The following CCSER1 variants were observed in gnomAD, a reference collection of about 807,000 sequenced individuals.
CCSER1 encodes the protein serine-rich coiled-coil domain-containing protein 1.
Under a neutral mutation model 82.0 loss-of-function variants are expected in CCSER1, and 41 were observed. That is an observed-to-expected ratio of 0.50 (90% confidence interval 0.39 to 0.65). The LOEUF is 0.65. Among genes scored for constraint, CCSER1 ranks in the 30% least tolerant of loss-of-function variants. The pLI is 0.00. For missense variants in CCSER1, 1,119 were observed against 1,064.2 expected, an observed-to-expected ratio of 1.05 and a Z score of -0.72; for synonymous variants, 414 against 383.9, an observed-to-expected ratio of 1.08 and a Z score of -0.92.
chr4:90,648,959 C>T (rs1728222608), intron 6 of CCSER1, among the ~76,000 whole-genome samples: 1 of 152,154 alleles, frequency 6.6e-6, no homozygotes, highest in Non-Finnish European at 1.5e-5. Context: ...AGTGACAGAG[C>T]AGAAGTTAGC....
chr4:90,225,840 A>G (rs1743065386), intron 1 of CCSER1, among the ~76,000 whole-genome samples: 1 of 152,202 alleles, frequency 6.6e-6, no homozygotes, highest in South Asian at 2.1e-4. Context: ...AAAATTGGCC[A>G]CAGATGCTTT....
chr4:90,628,005 CTT>C lies in CCSER1; in HGVS notation c.1725-10_1725-9del, dbSNP rs11303496. The C allele has an allele frequency of 2.8e-4, 387 of 1,397,890 alleles. 1 individual carries two copies. The highest frequency in any genetic ancestry group is 6.2e-4 in the East Asian group (25 of 40,560). 86.6% of individuals were successfully genotyped at this position (1,397,890 alleles called of 1,614,324 possible). Reference sequence around the variant, plus strand: ...AGCATGCTGCACTGTAATTTTTGTTCTTTTTTTTTTTCTTGTTAGGAATCTTT... The same window carrying C: ...AGCATGCTGCACTGTAATTTTTGTTCTTTTTTTTTCTTGTTAGGAATCTTT... On this transcript the variant is annotated intron_variant, in intron 5 of 10. Coordinates refer to ENST00000509176, the MANE Select transcript of CCSER1 (RefSeq NM_001145065.2).
intron 5 of CCSER1, among the ~76,000 whole-genome samples, chr4:90,484,480 GT>G (rs1329049027): frequency 6.6e-6 from 1 of 152,126 alleles, no homozygotes; most frequent in African/African-American, 2.4e-5. Flanking sequence ...TTTCTGCTCT[GT>G]TTTTTCCCCA....
At chr4:90,720,303 A>T (rs1461469351) in intron 6 of CCSER1, among the ~76,000 whole-genome samples, 1 of 52,632 alleles carries the variant, frequency 1.9e-5, no homozygotes, top group South Asian at 6.9e-4. Context: ...AAAAAAATTA[A>T]AAAAAAACAC....
chr4:90,324,852 G>T (rs1376858877), intron 3 of CCSER1, among the ~76,000 whole-genome samples: 1 of 152,114 alleles, frequency 6.6e-6, no homozygotes, highest in Non-Finnish European at 1.5e-5. Flanking sequence ...TTTGTATAAG[G>T]TGTAAGGAAG....
At chr4:91,581,795 G>C (rs1054851913) in intron 10 of CCSER1, among the ~76,000 whole-genome samples, 2 of 151,384 alleles carry the variant, frequency 1.3e-5, no homozygotes, top group African/African-American at 4.8e-5. Context: ...TTTGTTGTGA[G>C]GGCCTACCTT....
intron 5 of CCSER1, among the ~76,000 whole-genome samples, chr4:90,619,195 AT>A (rs1363461093): frequency 6.6e-6 from 1 of 152,014 alleles, no homozygotes; most frequent in African/African-American, 2.4e-5. Flanking sequence ...CTTCAGTATC[AT>A]CGTGAAATAA....
chr4:91,442,377 T>C (rs1373697499), intron 10 of CCSER1, among the ~76,000 whole-genome samples: 3 of 151,754 alleles, frequency 2.0e-5, no homozygotes, highest in Non-Finnish European at 4.4e-5. Context: ...GGGGAAAGGA[T>C]TCGCTATTTA....
In CCSER1 at chr4:90,871,715, G is replaced by T. The variant is rs143073916; in HGVS notation, c.2095-51655G>T. Among the ~76,000 whole-genome samples the T allele has an allele frequency of 3.3e-5, 5 of 151,792 alleles. No individual in the cohort carries two copies. The South Asian group carries it at 1.0e-3, about 31-fold the overall frequency. On this transcript the variant is annotated intron_variant, in intron 8 of 10. Transcript: ENST00000509176. ...AGTCCAGATTAAGTCTGATGTTTCT[G>T]TGTGGATTTTCTATCTGTGTGATCT...
At chr4:90,292,988 A>G (rs1731204116) in intron 1 of CCSER1, among the ~76,000 whole-genome samples, 1 of 151,894 alleles carries the variant, frequency 6.6e-6, no homozygotes, top group South Asian at 2.1e-4. Context: ...TCCTATGTTG[A>G]TATAAGATAG....
chr4:90,440,913 C>CT (rs1424299254), intron 4 of CCSER1, among the ~76,000 whole-genome samples: 2 of 151,880 alleles, frequency 1.3e-5, no homozygotes, highest in African/African-American at 4.8e-5. Context: ...TCTCAGAGAG[C>CT]TTTAACTTTA....
chr4:90,352,281 G>A (rs1259001435), intron 3 of CCSER1, among the ~76,000 whole-genome samples: 3 of 152,174 alleles, frequency 2.0e-5, no homozygotes, highest in African/African-American at 4.8e-5. Context: ...CTGAGATTGC[G>A]CCACTGCACT....
At position 91,433,924 on chromosome 4, in the gene CCSER1, G is replaced by A. The variant is rs112585168; in HGVS notation, c.2218-164648G>A. Among the ~76,000 whole-genome samples the A allele has an allele frequency of 6.0e-4, 92 of 152,254 alleles. 2 individuals are homozygous for A. The highest frequency in any genetic ancestry group is 3.9e-3 in the South Asian group (19 of 4,830). ...CACAGTACCTCACACTGTAAACTAA[G>A]TCTACCTGGAAAGACACATGTTTAA... On this transcript the variant is annotated intron_variant, in intron 10 of 10. Coordinates refer to ENST00000509176, the MANE Select transcript of CCSER1 (RefSeq NM_001145065.2).
At chr4:91,382,143 G>C (rs1174241305) in intron 10 of CCSER1, among the ~76,000 whole-genome samples, 1 of 152,190 alleles carries the variant, frequency 6.6e-6, no homozygotes, top group Non-Finnish European at 1.5e-5. Flanking sequence ...GTACCCAGCT[G>C]TGTTCGGTGT....
intron 9 of CCSER1, among the ~76,000 whole-genome samples, chr4:91,054,447 A>G (rs1252920363): frequency 6.6e-6 from 1 of 152,120 alleles, no homozygotes; most frequent in Non-Finnish European, 1.5e-5. Flanking sequence ...TGAGCCTTTT[A>G]TTAATATAAG....
chr4:90,887,449 G>T (rs956170497), intron 8 of CCSER1, among the ~76,000 whole-genome samples: 1 of 152,140 alleles, frequency 6.6e-6, no homozygotes, highest in Non-Finnish European at 1.5e-5. Flanking sequence ...TGGGCAATTT[G>T]TTACAGAAAT....
At chr4:91,043,273 T>C (rs1266920184) in intron 9 of CCSER1, among the ~76,000 whole-genome samples, 1 of 151,970 alleles carries the variant, frequency 6.6e-6, no homozygotes, top group Non-Finnish European at 1.5e-5. Flanking sequence ...AAAAATATCT[T>C]AAAAATCAAT....
intron 7 of CCSER1, among the ~76,000 whole-genome samples, chr4:90,762,006 A>G (rs1750478023): frequency 6.6e-6 from 1 of 152,158 alleles, no homozygotes; most frequent in Non-Finnish European, 1.5e-5. Flanking sequence ...AAAAACATAT[A>G]AAGAAAGTAA....
intron 10 of CCSER1, among the ~76,000 whole-genome samples, chr4:91,110,913 G>A (rs1726044523): frequency 6.6e-6 from 1 of 151,788 alleles, no homozygotes. Flanking sequence ...AGCAGTAAAA[G>A]TTGGTAAGTA....
Sources: allele counts gnomAD v4.1 joint callset (sites outside exome capture counted in the v4.1 genomes callset), GRCh38; gene constraint gnomAD v4.1.1; transcripts MANE v1.5; gene names NCBI Gene and HGNC (gene_info 2026-07-23, HGNC 2026-07-21).